The following PTPRT variants were observed in gnomAD, a reference collection of about 807,000 sequenced individuals.
PTPRT encodes protein tyrosine phosphatase receptor type T.
A neutral mutation model predicts 176.8 loss-of-function variants in PTPRT; 56 were observed. The ratio of observed to expected loss-of-function variants is 0.32; its 90% confidence interval spans 0.26 to 0.40. PTPRT has a LOEUF of 0.40. Ranked by LOEUF, PTPRT falls within the 10% of genes least tolerant of loss-of-function variation. The probability of loss-of-function intolerance (pLI) is 1.00; values close to 1 mark genes in which losing one functional copy is unlikely to be tolerated. For missense variants in PTPRT, 1,540 were observed against 1,908.2 expected, an observed-to-expected ratio of 0.81 and a Z score of 3.60; for synonymous variants, 783 against 739.0, an observed-to-expected ratio of 1.06 and a Z score of -0.96.
At chr20:43,112,502 G>A (rs758815949) in intron 1 of PTPRT, among the ~76,000 whole-genome samples, 1 of 152,166 alleles carries the variant, frequency 6.6e-6, no homozygotes, top group Non-Finnish European at 1.5e-5. Context: ...CAGGAAACTA[G>A]ATGAGGAAAT....
At chr20:42,227,127 G>T (rs1278796950) in intron 15 of PTPRT, among the ~76,000 whole-genome samples, 1 of 151,808 alleles carries the variant, frequency 6.6e-6, no homozygotes, top group Non-Finnish European at 1.5e-5. Flanking sequence ...TGACAAGCAG[G>T]AGATGTATTG....
At position 42,078,915 on chromosome 20, in the gene PTPRT, C is replaced by T. The variant is rs1378772661; in HGVS notation, c.*1964G>A. 8 of 175,940 alleles carry T rather than the reference C, an allele frequency of 4.5e-5. No individual in the cohort carries two copies. The allele number at this position is 175,940 out of a possible 1,614,324, so 10.9% of individuals were successfully genotyped here. ...TAGGCTCATGGAACACTCATCCACT[C>T]CACACTACTGCACCATGGTTCCATT... On this transcript the variant is annotated 3_prime_UTR_variant, in exon 31 of 31. Coordinates refer to ENST00000373187, the MANE Select transcript of PTPRT (RefSeq NM_007050.6).
intron 13 of PTPRT, among the ~76,000 whole-genome samples, chr20:42,263,265 A>G (rs1302308166): frequency 2.0e-5 from 3 of 151,038 alleles, no homozygotes; most frequent in Non-Finnish European, 2.9e-5. Flanking sequence ...TGTCACCCAG[A>G]CTGGAGTGCA....
intron 8 of PTPRT, among the ~76,000 whole-genome samples, chr20:42,461,867 T>C (rs568207412): frequency 1.2e-4 from 18 of 151,804 alleles, no homozygotes; most frequent in African/African-American, 4.1e-4. Context: ...GCTGGGTGTT[T>C]CTGGGTTTTT....
At chr20:42,474,670 G>A (rs1301246497) in intron 7 of PTPRT, among the ~76,000 whole-genome samples, 1 of 152,188 alleles carries the variant, frequency 6.6e-6, no homozygotes, top group Non-Finnish European at 1.5e-5. Flanking sequence ...GATTATGATT[G>A]GTGGGATTAC....
intron 2 of PTPRT, among the ~76,000 whole-genome samples, chr20:42,793,927 CCT>C (rs1185310886): frequency 1.3e-5 from 2 of 152,170 alleles, no homozygotes; most frequent in Non-Finnish European, 2.9e-5. Flanking sequence ...GTGTCTCTCT[CCT>C]CTCTGAATCC....
Position 42,892,060 on chromosome 20 carries a change from T to C in PTPRT, c.89-6128A>G, listed in dbSNP as rs146669509. Among the ~76,000 whole-genome samples, 647 of 152,334 alleles carry C rather than the reference T, an allele frequency of 4.2e-3. 6 individuals carry two copies. The highest frequency in any genetic ancestry group is 0.015 in the African/African-American group (610 of 41,572). On this transcript the variant is annotated intron_variant, in intron 1 of 30. Transcript: ENST00000373187. ...CTAGATTTGCCCAGGGGCTATAGTT[T>C]GCCAACCCTTGCTCTAAGAAAGAAG...
chr20:42,471,914 C>T (rs915332070), intron 8 of PTPRT, among the ~76,000 whole-genome samples: 1 of 152,122 alleles, frequency 6.6e-6, no homozygotes, highest in South Asian at 2.1e-4. Flanking sequence ...CCTCAGCCTC[C>T]CAAAGTGCTA....
chr20:42,357,184 G>A (rs572046217), intron 9 of PTPRT, among the ~76,000 whole-genome samples: 1 of 152,136 alleles, frequency 6.6e-6, no homozygotes, highest in South Asian at 2.1e-4. Flanking sequence ...ATCTGTTTTT[G>A]TAAGTAAAGT....
At chr20:42,872,263 A>G (rs1367892230) in intron 2 of PTPRT, among the ~76,000 whole-genome samples, 1 of 152,246 alleles carries the variant, frequency 6.6e-6, no homozygotes. Context: ...AGGTCTTTTT[A>G]GAAAAGGGTA....
At chr20:42,847,952 T>C (rs2078404133) in intron 2 of PTPRT, among the ~76,000 whole-genome samples, 1 of 152,182 alleles carries the variant, frequency 6.6e-6, no homozygotes, top group Admixed American at 6.5e-5. Context: ...GTATACACCG[T>C]ACCCAATTTG....
chr20:43,151,840 G>T (rs1263579174), intron 1 of PTPRT, among the ~76,000 whole-genome samples: 1 of 150,952 alleles, frequency 6.6e-6, no homozygotes, highest in Non-Finnish European at 1.5e-5. Context: ...TCCAGCCCAG[G>T]CAACAAGAGC....
chr20:43,048,423 C>T (rs1986918812), intron 1 of PTPRT, among the ~76,000 whole-genome samples: 1 of 152,076 alleles, frequency 6.6e-6, no homozygotes, highest in Non-Finnish European at 1.5e-5. Context: ...AACAGGGTGG[C>T]ACAACCAGTC....
At chr20:43,054,868 A>C (rs1290612676) in intron 1 of PTPRT, among the ~76,000 whole-genome samples, 1 of 152,226 alleles carries the variant, frequency 6.6e-6, no homozygotes, top group Non-Finnish European at 1.5e-5. Flanking sequence ...CTAACTCTCT[A>C]TGATACTTGG....
chr20:42,118,483 C>G lies in PTPRT; in HGVS notation c.2902G>C (p.Val968Leu). 6.2e-7 allele frequency: 1 copy of G among 1,611,846 alleles called. No homozygotes were observed. ...IATQGPMQET[V>L]KDFWRMIWQE... The stretch of plus-strand genomic sequence containing the variant: ...CAGATCATTCTCCAAAAGTCCTTTA[C>G]AGTCTCCTGCATCGGACCTGCCAAC... The change falls in exon 21 of 31, where the codon GTA becomes CTA. Residue 968 changes from valine to leucine, a missense_variant. Transcript: ENST00000373187.
At chr20:43,156,806 T>C (rs17813071) in intron 1 of PTPRT, among the ~76,000 whole-genome samples, 5,211 of 152,270 alleles carry the variant, frequency 0.034, 137 homozygotes, top group Non-Finnish European at 0.054. Flanking sequence ...TCTGAGATCA[T>C]TGAGAGACAC....
At chr20:42,793,353 G>A (rs1220004435) in intron 2 of PTPRT, among the ~76,000 whole-genome samples, 1 of 152,228 alleles carries the variant, frequency 6.6e-6, no homozygotes, top group East Asian at 1.9e-4. Context: ...ACTCTTCCAA[G>A]CCTCCAGTGA....
intron 3 of PTPRT, among the ~76,000 whole-genome samples, chr20:42,787,645 C>T (rs2077310683): frequency 6.6e-6 from 1 of 152,210 alleles, no homozygotes; most frequent in African/African-American, 2.4e-5. Context: ...AAGATCTGAT[C>T]CCCTTGTTCA....
At chr20:42,634,239 G>A (rs938575008) in intron 7 of PTPRT, among the ~76,000 whole-genome samples, 4 of 141,060 alleles carry the variant, frequency 2.8e-5, no homozygotes, top group African/African-American at 1.1e-4. Flanking sequence ...TGGTCTGGTA[G>A]ACCACAGGAC....
Sources: gnomAD v4.1 joint callset for allele counts (sites outside exome capture counted in the v4.1 genomes callset) on GRCh38, gnomAD v4.1.1 for gene constraint, MANE v1.5 for transcripts, NCBI Gene and HGNC (gene_info 2026-07-23, HGNC 2026-07-21) for gene names.